ANKS1A: variants seen among roughly 807,000 people sequenced by gnomAD.
The protein encoded by ANKS1A is ankyrin repeat and SAM domain-containing protein 1A.
Under a neutral mutation model 120.3 loss-of-function variants are expected in ANKS1A, and 55 were observed. The ratio of observed to expected loss-of-function variants is 0.46; its 90% CI spans 0.37 to 0.57. ANKS1A has a LOEUF of 0.57. Among genes scored for constraint, ANKS1A ranks in the 20% least tolerant of loss-of-function variants. The pLI is 0.00. For synonymous variants in ANKS1A, 590 were observed against 604.7 expected (o/e 0.98, Z 0.36); for missense variants, 1,123 against 1,480.3 (o/e 0.76, Z 3.96).
chr6:34,972,529 A>G, intron 3 of ANKS1A: 5 of 920,450 alleles, frequency 5.4e-6, no homozygotes, highest in Non-Finnish European at 6.5e-6. Context: ...TATTGCTTTG[A>G]TATATTTCAT....
chr6:34,985,364 A>G, intron 8 of ANKS1A, 86 bp downstream of exon 8: 1 of 1,354,126 alleles, frequency 7.4e-7, no homozygotes, highest in Non-Finnish European at 1.0e-6. Context: ...GGGAAGTGTG[A>G]TCCCTGGTGC....
Position 35,082,800 on chromosome 6 carries a change from G to A in ANKS1A, c.2819G>A (p.Cys940Tyr). Residue 940 changes from cysteine (C) to tyrosine (Y), a missense_variant, in exon 18 of 24, where the codon TGT (cysteine) becomes TAT (tyrosine). This residue lies in a region of ANKS1A where 904 missense variants were observed against 1,130.4 expected (regional missense o/e 0.80). Transcript: ENST00000360359. The surrounding 1 kb of genome is among the most constrained non-coding windows in gnomAD (Gnocchi z 4.1). ...CCAGAGAAACTCATCTTCGAGTCCT[G>A]TGGTTATGAAGCCAATGTGAGTTGC... The part of the protein sequence containing the change: ...HQPEKLIFES[C>Y]GYEANYLGSM... 1.2e-6 allele frequency: 2 copies of A among 1,613,832 alleles called. No individual in the cohort carries two copies. The highest frequency in any genetic ancestry group is 1.1e-5 in the South Asian group (1 of 91,034).
intron 1 of ANKS1A, among the ~76,000 whole-genome samples, chr6:34,940,966 A>G (rs1189689842): frequency 6.6e-6 from 1 of 152,120 alleles, no homozygotes; most frequent in Non-Finnish European, 1.5e-5. Context: ...AACAATGGCA[A>G]CATCTATAGT....
Position 35,044,570 on chromosome 6 carries a change from C to T in ANKS1A, c.2011-9529C>T, listed in dbSNP as rs144652748. The stretch of plus-strand genomic sequence containing the variant: ...GTCTTGGATCCTCCGGTTTGCTTCG[C>T]GCCCCAAGAGCTGCCTTGTAGAAAG... On this transcript the variant is annotated intron_variant, in intron 11 of 23. Transcript: ENST00000360359. This position sits in a 1 kb window ranked among gnomAD's most constrained non-coding sequence, Gnocchi z 4.4. Among the ~76,000 whole-genome samples, 1,041 of 152,296 alleles carry T rather than the reference C, an allele frequency of 6.8e-3. 12 individuals are homozygous for T. The highest frequency in any genetic ancestry group is 0.023 in the African/African-American group (962 of 41,560).
At chr6:34,937,403 T>C (rs111339206) in intron 1 of ANKS1A, among the ~76,000 whole-genome samples, 7 of 152,106 alleles carry the variant, frequency 4.6e-5, no homozygotes, top group African/African-American at 1.7e-4. Flanking sequence ...ATTATTTTAC[T>C]TCTCTAAGAC....
In ANKS1A at chr6:35,017,686, A is replaced by T. The variant is rs1774101684; in HGVS notation, c.1637A>T (p.Glu546Val). Residue 546 changes from glutamate (E) to valine (V), a missense_variant, in exon 11 of 24, where the codon GAG (glutamate) becomes GTG (valine). By Grantham distance (121) the Glu-to-Val change is moderately radical. Around this residue, in one of 3 missense-constraint regions of ANKS1A, gnomAD observed 904 missense variants for 1,130.4 expected, o/e 0.80. Transcript: ENST00000360359. ...ACHKASMQLE[E>V]TGVHAPGASQ... The stretch of plus-strand genomic sequence containing the variant: ...CACAAGGCCAGCATGCAGCTGGAGG[A>T]GACGGGTGTGCATGCTCCTGGAGCC... The T allele has an allele frequency of 3.1e-6, 5 of 1,614,016 alleles. No homozygotes were observed. Among genetic ancestry groups the T allele is most frequent in the Non-Finnish European group, 3.4e-6 (4 of 1,179,990 alleles).
At chr6:34,987,867 C>T (rs1255618802) in intron 8 of ANKS1A, among the ~76,000 whole-genome samples, 1 of 152,340 alleles carries the variant, frequency 6.6e-6, no homozygotes, top group African/African-American at 2.4e-5. Flanking sequence ...AACAAACCTG[C>T]AAGCCAGGGA....
chr6:35,081,161 GGGGCA>G lies in ANKS1A; in HGVS notation c.2709+7_2709+11del, dbSNP rs1777651954. The G allele has an allele frequency of 6.2e-7, 1 of 1,605,156 alleles. No individual in the cohort carries two copies. The highest frequency in any genetic ancestry group is 1.7e-5 in the Admixed American group (1 of 59,686). ...GAGCGGAGCGCTTCAGGATCCAGGT[GGGGCA>G]GGGGGAGTGGAGGTGCAGCCAGGCT... On this transcript the variant is annotated splice_donor_5th_base_variant and intron_variant, in intron 17 of 23. Transcript: ENST00000360359.
At chr6:34,954,257 C>T (rs1488469288) in intron 1 of ANKS1A, among the ~76,000 whole-genome samples, 1 of 152,100 alleles carries the variant, frequency 6.6e-6, no homozygotes, top group Non-Finnish European at 1.5e-5. Context: ...CTCACTTGCC[C>T]AGTATAGCAA....
chr6:34,921,927 C>T (rs1302982042), intron 1 of ANKS1A, among the ~76,000 whole-genome samples: 1 of 152,138 alleles, frequency 6.6e-6, no homozygotes, highest in Non-Finnish European at 1.5e-5. Flanking sequence ...AACTCCTGGC[C>T]TCAAGCAGTT....
At position 34,982,467 on chromosome 6, in the gene ANKS1A, C is replaced by T. The variant is rs550444950; in HGVS notation, c.733-285C>T. On this transcript the variant is annotated intron_variant, in intron 4 of 23. Transcript: ENST00000360359. This position sits in a 1 kb window ranked among gnomAD's most constrained non-coding sequence, Gnocchi z 4.9. ...TGTACTTTTCTTCTTATTACTCCTTCCACCCAGGAAGGTGGAGTTCTGAGG... is the reference window on the plus strand; with the variant it reads ...TGTACTTTTCTTCTTATTACTCCTTTCACCCAGGAAGGTGGAGTTCTGAGG... Among the ~76,000 whole-genome samples the T allele has an allele frequency of 6.6e-6, 1 of 152,296 alleles. No homozygotes were observed. Among genetic ancestry groups the T allele is most frequent in the South Asian group, 2.1e-4 (1 of 4,830 alleles).
At chr6:35,097,617 G>A in the ANKS1A span, among the ~76,000 whole-genome samples, 1 of 136,256 alleles carries the variant, frequency 7.3e-6, no homozygotes, top group Non-Finnish European at 1.5e-5. Context: ...TCTGACACAA[G>A]GCACCAGAAA....
chr6:34,942,100 G>C (rs1370716445), intron 1 of ANKS1A, among the ~76,000 whole-genome samples: 3 of 152,228 alleles, frequency 2.0e-5, no homozygotes, highest in Non-Finnish European at 2.9e-5. Flanking sequence ...CAGTTTTGGG[G>C]GTTTATTATG....
Position 35,060,232 on chromosome 6 carries a change from C to T in ANKS1A, c.2163C>T (p.Gly721=). The T allele has an allele frequency of 1.2e-6, 2 of 1,612,172 alleles. No individual in the cohort carries two copies. Among genetic ancestry groups the T allele is most frequent in the Non-Finnish European group, 1.7e-6 (2 of 1,179,666 alleles). ...ATGAGAGCAAGTTGCTTCTGAATGG[C>T]TTTGACGATGTCCACTTCCTGGTAA... ...QQYESKLLLN[G]FDDVHFLGSN... The change falls in exon 13 of 24, where the codon GGC becomes GGT. Residue 721 remains glycine (G), a synonymous_variant. Transcript: ENST00000360359. The surrounding 1 kb of genome is among the most constrained non-coding windows in gnomAD (Gnocchi z 4.5).
intron 1 of ANKS1A, among the ~76,000 whole-genome samples, chr6:34,906,684 G>T (rs148406364): frequency 2.0e-5 from 3 of 152,344 alleles, no homozygotes; most frequent in African/African-American, 7.2e-5. Context: ...TACCAGTGAA[G>T]AATGAAATTG....
chr6:34,902,313 A>G (rs1041633392), intron 1 of ANKS1A, among the ~76,000 whole-genome samples: 2 of 151,520 alleles, frequency 1.3e-5, no homozygotes, highest in Non-Finnish European at 2.9e-5. Context: ...GCAATGCGTG[A>G]TCTCGGCTCC....
rs772080835 is a variant in ANKS1A, at chr6:34,983,126, C to A, written c.822C>A (p.Asn274Lys). ...GTGCCTTTCTAGGAACTGACGTCAACATAAAAGATAACCATGGACTGACTG... is the reference window on the plus strand; with the variant it reads ...GTGCCTTTCTAGGAACTGACGTCAAAATAAAAGATAACCATGGACTGACTG... ...QILLAAGTDV[N>K]IKDNHGLTAL... is the part of the protein sequence containing the mutation. The change falls in exon 6 of 24, where the codon AAC becomes AAA. Residue 274 changes from asparagine to lysine, a missense_variant. Asn to Lys is a moderately conservative substitution (Grantham distance 94). Around this residue, in one of 3 missense-constraint regions of ANKS1A, gnomAD observed 904 missense variants for 1,130.4 expected, o/e 0.80. Transcript: ENST00000360359. 6.2e-7 allele frequency: 1 copy of A among 1,613,992 alleles called. No homozygotes were observed. Among genetic ancestry groups the A allele is most frequent in the African/African-American group, 1.3e-5 (1 of 74,896 alleles).
chr6:34,930,767 C>T (rs931471440), intron 1 of ANKS1A, among the ~76,000 whole-genome samples: 2 of 152,156 alleles, frequency 1.3e-5, no homozygotes, highest in Admixed American at 1.3e-4. Context: ...GTTACCACAG[C>T]CACTGATGTA....
chr6:34,997,359 G>A (rs1772910494), intron 10 of ANKS1A, among the ~76,000 whole-genome samples: 1 of 151,922 alleles, frequency 6.6e-6, no homozygotes, highest in African/African-American at 2.4e-5. Flanking sequence ...ACCATGCCTG[G>A]CTAATTATTG....
Sources: gnomAD v4.1 joint callset for allele counts (sites outside exome capture counted in the v4.1 genomes callset) on GRCh38, gnomAD v4.1.1 for gene constraint, gnomAD v4.1.1 regional missense constraint, Gnocchi (gnomAD v3.1) non-coding constraint, MANE v1.5 for transcripts, NCBI Gene and HGNC (gene_info 2026-07-23, HGNC 2026-07-21) for gene names.